CCDC144A: variants seen among roughly 807,000 people sequenced by gnomAD.
CCDC144A encodes the protein coiled-coil domain-containing protein 144A.
In CCDC144A, 41 loss-of-function variants were observed where a neutral mutation model predicts 143.8. The observed-to-expected ratio is 0.29, with a 90% confidence interval of 0.22 to 0.37. The LOEUF (loss-of-function observed/expected upper bound fraction) is 0.37. Among genes scored for constraint, CCDC144A ranks in the 10% least tolerant of loss-of-function variants. The probability of loss-of-function intolerance (pLI) is 1.00; values close to 1 mark genes in which losing one functional copy is unlikely to be tolerated. For missense variants in CCDC144A, 637 were observed against 1,488.8 expected (o/e 0.43, Z 9.41); for synonymous variants, 242 against 517.9 (o/e 0.47, Z 7.23).
intron 6 of CCDC144A, among the ~76,000 whole-genome samples, chr17:16,715,221 A>G (rs1266697487): frequency 6.6e-6 from 1 of 151,132 alleles, no homozygotes; most frequent in African/African-American, 2.4e-5. Flanking sequence ...CTAGCTTGCA[A>G]TAAGTAGCTA....
chr17:16,746,323 C>A, intron 12 of CCDC144A: 3 of 1,151,654 alleles, frequency 2.6e-6, no homozygotes, highest in Non-Finnish European at 3.6e-6. Flanking sequence ...CCTCTTCCCG[C>A]AAACGTTTAT....
At chr17:16,733,988 AC>A (rs1291025227) in intron 11 of CCDC144A, among the ~76,000 whole-genome samples, 2 of 151,992 alleles carry the variant, frequency 1.3e-5, no homozygotes, top group African/African-American at 2.4e-5. Flanking sequence ...AAGTACAAAT[AC>A]ATTTAGCTGC....
Position 16,708,834 on chromosome 17 carries a change from T to C in CCDC144A, c.777T>C (p.Asp259=), listed in dbSNP as rs1193958624. 4 of 1,611,836 alleles carry C rather than the reference T, an allele frequency of 2.5e-6. No homozygotes were observed. The highest frequency in any genetic ancestry group is 3.4e-6 in the Non-Finnish European group (4 of 1,179,768). ...SQEPEMAKDC[D]REDIPIYPVL... is the part of the protein sequence containing the mutation. ...AACCAGAAATGGCTAAGGATTGCGA[T>C]AGAGAGGATATACCTATATATCCAG... Residue 259 remains aspartate, a synonymous_variant, in exon 5 of 17, where the codon GAT becomes GAC. Coordinates refer to ENST00000399273, the MANE Select transcript of CCDC144A (RefSeq NM_001382000.1).
intron 4 of CCDC144A, among the ~76,000 whole-genome samples, chr17:16,708,302 C>T (rs187064803): frequency 9.2e-5 from 14 of 151,998 alleles, no homozygotes; most frequent in Admixed American, 7.9e-4. Flanking sequence ...GGTGTTGATT[C>T]GGGCTCCTAA....
intron 8 of CCDC144A, among the ~76,000 whole-genome samples, chr17:16,722,559 T>A (rs1913153242): frequency 6.6e-6 from 1 of 152,162 alleles, no homozygotes; most frequent in South Asian, 2.1e-4. Flanking sequence ...GGGTTCAGTC[T>A]CGGTGTCTTA....
At chr17:16,690,231 C>A, upstream of CCDC144A, 1 of 505,318 alleles carries the variant, frequency 2.0e-6, no homozygotes, top group Non-Finnish European at 3.5e-6. Context: ...ATTGGCTTGG[C>A]CTTACCCACG....
At chr17:16,746,613 T>C in intron 12 of CCDC144A, 1 of 1,613,358 alleles carries the variant, frequency 6.2e-7, no homozygotes, top group Non-Finnish European at 8.5e-7. Context: ...TCAGGATTCC[T>C]AAAATTAATG....
chr17:16,675,028 G>C, the CCDC144A span, among the ~76,000 whole-genome samples: 563 of 152,084 alleles, frequency 3.7e-3, 16 homozygotes, highest in Admixed American at 0.033. Flanking sequence ...CAGCACTTTG[G>C]GAGGCTGAGG....
chr17:16,707,967 A>C (rs897165319), intron 4 of CCDC144A, among the ~76,000 whole-genome samples: 1 of 152,120 alleles, frequency 6.6e-6, no homozygotes, highest in Non-Finnish European at 1.5e-5. Context: ...GCCAGTTACT[A>C]ATGCCTAGGT....
chr17:16,758,041 G>A (rs1567608254), intron 12 of CCDC144A, among the ~76,000 whole-genome samples: 1 of 152,176 alleles, frequency 6.6e-6, no homozygotes, highest in East Asian at 1.9e-4. Flanking sequence ...CCTACTTGCT[G>A]TTTTGGTTTT....
rs191951083 is a variant in CCDC144A, at chr17:16,690,270, G to A, written c.-131G>A. The A allele has an allele frequency of 9.7e-5, 59 of 610,672 alleles. No individual in the cohort carries two copies. The African/African-American group carries it at 1.0e-3, about 10-fold the overall frequency. The allele number at this position is 610,672 out of a possible 1,614,324, so 37.8% of individuals were successfully genotyped here. A position where few individuals can be genotyped will look rare whatever the true frequency, so the allele number is the denominator to read the frequency against. Reference sequence around the variant, plus strand: ...CTTTGCGGTGGCTGTTGGCTTGGCGGTGGTCGCTTGGCTTGGCGTGGCAGT... The same window carrying A: ...CTTTGCGGTGGCTGTTGGCTTGGCGATGGTCGCTTGGCTTGGCGTGGCAGT... On this transcript the variant is annotated 5_prime_UTR_variant, in exon 1 of 17. It adds an upstream start codon to the 5' untranslated region. Coordinates refer to ENST00000399273, the MANE Select transcript of CCDC144A (RefSeq NM_001382000.1).
the CCDC144A span, chr17:16,683,720 C>G: frequency 6.3e-7 from 1 of 1,581,570 alleles, no homozygotes; most frequent in Non-Finnish European, 8.7e-7. Context: ...CGAAAGCCAG[C>G]AAGCGACTCC....
intron 8 of CCDC144A, among the ~76,000 whole-genome samples, chr17:16,722,222 A>AT (rs775159242): frequency 7.2e-5 from 11 of 152,046 alleles, no homozygotes; most frequent in Non-Finnish European, 1.0e-4. Flanking sequence ...TAGTTTTTTA[A>AT]TGTGGTGAAT....
the CCDC144A span, among the ~76,000 whole-genome samples, chr17:16,681,301 C>T: frequency 2.0e-5 from 3 of 152,020 alleles, no homozygotes; most frequent in Admixed American, 1.3e-4. Flanking sequence ...CTAATCTAAT[C>T]AATGGATAAC....
intron 2 of CCDC144A, among the ~76,000 whole-genome samples, chr17:16,698,921 A>AC (rs1911566532): frequency 6.6e-6 from 1 of 152,220 alleles, no homozygotes; most frequent in South Asian, 2.1e-4. Flanking sequence ...AGTTCTCAGT[A>AC]CTTGGGGTTT....
At chr17:16,703,841 C>G (rs1445617108) in intron 2 of CCDC144A, among the ~76,000 whole-genome samples, 2 of 152,118 alleles carry the variant, frequency 1.3e-5, no homozygotes, top group Non-Finnish European at 2.9e-5. Flanking sequence ...CAAGCACGCA[C>G]AGCCATACAT....
At chr17:16,684,347 T>C in the CCDC144A span, 16 of 665,656 alleles carry the variant, frequency 2.4e-5, no homozygotes, top group Non-Finnish European at 3.5e-5. Context: ...GAAGTTAATA[T>C]CATAATATAT....
the CCDC144A span, among the ~76,000 whole-genome samples, chr17:16,671,678 C>G: frequency 2.0e-5 from 3 of 151,896 alleles, no homozygotes; most frequent in African/African-American, 7.3e-5. Context: ...GAGTAAAATT[C>G]AGGTGGATAT....
intron 14 of CCDC144A, among the ~76,000 whole-genome samples, chr17:16,762,830 A>G (rs1239051306): frequency 2.0e-5 from 3 of 151,642 alleles, no homozygotes; most frequent in Non-Finnish European, 4.4e-5. Context: ...AGTTAACCTG[A>G]TCTATTAGGG....
Sources: allele counts gnomAD v4.1 joint callset (sites outside exome capture counted in the v4.1 genomes callset), GRCh38; gene constraint gnomAD v4.1.1; transcripts MANE v1.5; gene names NCBI Gene and HGNC (gene_info 2026-07-23, HGNC 2026-07-21).